STXBP4: variants seen among roughly 807,000 people sequenced by gnomAD.
STXBP4 encodes syntaxin binding protein 4, also known as syntaxin-binding protein 4.
In STXBP4, 55 loss-of-function variants were observed where a neutral mutation model predicts 76.1. That is an observed-to-expected ratio of 0.72 (90% CI 0.58 to 0.91). The LOEUF is 0.91. Ranked by LOEUF, STXBP4 falls within the 40% of genes least tolerant of loss-of-function variation. The pLI, the probability that STXBP4 is intolerant of heterozygous loss-of-function variation, is 0.00. For synonymous variants in STXBP4, 201 were observed against 220.2 expected (o/e 0.91, Z 0.77); for missense variants, 618 against 636.9 (o/e 0.97, Z 0.32).
chr17:55,174,746 A>C (rs2080422802), downstream of STXBP4, among the ~76,000 whole-genome samples: 1 of 152,208 alleles, frequency 6.6e-6, no homozygotes, highest in South Asian at 2.1e-4. Context: ...TTTCTAAGCC[A>C]GGGTTTTCAG....
At chr17:55,105,995 C>T (rs1344360315) in intron 16 of STXBP4, among the ~76,000 whole-genome samples, 1 of 152,090 alleles carries the variant, frequency 6.6e-6, no homozygotes, top group East Asian at 1.9e-4. Flanking sequence ...GAGCTGAGTT[C>T]AAGTCCTGAA....
At chr17:54,970,183 G>T (rs1261747393) in intron 1 of STXBP4, among the ~76,000 whole-genome samples, 1 of 152,190 alleles carries the variant, frequency 6.6e-6, no homozygotes, top group Non-Finnish European at 1.5e-5. Flanking sequence ...AGGTAACAAA[G>T]GCCTGGTAAT....
chr17:55,001,031 T>C (rs1377113550), intron 7 of STXBP4, 148 bp downstream of exon 7: 3 of 568,762 alleles, frequency 5.3e-6, no homozygotes, highest in Non-Finnish European at 9.2e-6. Context: ...TGTCTTTCCG[T>C]TGGGCCCTGT....
chr17:55,147,591 C>T (rs1438945937), intron 17 of STXBP4, among the ~76,000 whole-genome samples: 1 of 152,120 alleles, frequency 6.6e-6, no homozygotes, highest in East Asian at 1.9e-4. Context: ...GATTGATATG[C>T]CTTTATATCA....
At chr17:55,157,226 A>G (rs75315568) in intron 17 of STXBP4, among the ~76,000 whole-genome samples, 2,315 of 152,324 alleles carry the variant, frequency 0.015, 53 homozygotes, top group African/African-American at 0.043. Context: ...ATTAAAATAT[A>G]TACCAATATT....
At chr17:54,992,369 C>T (rs998281113) in intron 4 of STXBP4, among the ~76,000 whole-genome samples, 17 of 150,248 alleles carry the variant, frequency 1.1e-4, no homozygotes, top group African/African-American at 2.9e-4. Flanking sequence ...GAGGCATGAT[C>T]GTGCCACTGC....
At chr17:55,152,621 G>A (rs1714099305) in intron 17 of STXBP4, among the ~76,000 whole-genome samples, 1 of 152,120 alleles carries the variant, frequency 6.6e-6, no homozygotes. Flanking sequence ...GCAACCAGAG[G>A]AAATGCCAGA....
At chr17:55,011,634 G>A (rs189995078) in intron 8 of STXBP4, among the ~76,000 whole-genome samples, 16 of 148,772 alleles carry the variant, frequency 1.1e-4, no homozygotes, top group African/African-American at 3.2e-4. Flanking sequence ...TGTCCTTCCC[G>A]CTGTACTCTC....
At chr17:55,202,495 A>C in the STXBP4 span, among the ~76,000 whole-genome samples, 1 of 151,364 alleles carries the variant, frequency 6.6e-6, no homozygotes, top group Non-Finnish European at 1.5e-5. Flanking sequence ...AAACCTAACC[A>C]GTATGACACT....
At chr17:55,206,189 A>T in the STXBP4 span, among the ~76,000 whole-genome samples, 2 of 152,050 alleles carry the variant, frequency 1.3e-5, no homozygotes, top group African/African-American at 4.8e-5. Flanking sequence ...GAATTATTAC[A>T]TATATATATT....
At chr17:55,006,400 CA>C (rs1567714647) in intron 7 of STXBP4, among the ~76,000 whole-genome samples, 1 of 152,038 alleles carries the variant, frequency 6.6e-6, no homozygotes, top group Non-Finnish European at 1.5e-5. Context: ...TGACATTTTC[CA>C]AAGATTTTTC....
chr17:55,094,932 G>A (rs2079464713), intron 16 of STXBP4, among the ~76,000 whole-genome samples: 1 of 152,158 alleles, frequency 6.6e-6, no homozygotes, highest in South Asian at 2.1e-4. Flanking sequence ...CATATTGTGA[G>A]TTTTCACAGA....
the STXBP4 span, among the ~76,000 whole-genome samples, chr17:55,183,400 A>G: frequency 7.9e-5 from 12 of 152,220 alleles, no homozygotes; most frequent in Admixed American, 3.9e-4. Flanking sequence ...AGCCCGGGCA[A>G]GACAGCAAGA....
At chr17:55,092,323 TAAATG>T (rs1419462037) in intron 16 of STXBP4, among the ~76,000 whole-genome samples, 1 of 152,050 alleles carries the variant, frequency 6.6e-6, no homozygotes, top group East Asian at 1.9e-4. Flanking sequence ...AATAAATAAA[TAAATG>T]AAATGAAATA....
chr17:55,039,087 A>G (rs1317008574), intron 10 of STXBP4, among the ~76,000 whole-genome samples: 1 of 152,190 alleles, frequency 6.6e-6, no homozygotes, highest in Non-Finnish European at 1.5e-5. Flanking sequence ...CATGTTATTA[A>G]GATAGGTAAA....
At chr17:55,082,901 T>C (rs946712546) in intron 16 of STXBP4, among the ~76,000 whole-genome samples, 1 of 152,142 alleles carries the variant, frequency 6.6e-6, no homozygotes, top group African/African-American at 2.4e-5. Flanking sequence ...AATGAAGTTA[T>C]TATCCTTAAA....
At chr17:55,035,782 G>C (rs1393045101) in intron 10 of STXBP4, among the ~76,000 whole-genome samples, 2 of 151,778 alleles carry the variant, frequency 1.3e-5, no homozygotes, top group African/African-American at 2.4e-5. Flanking sequence ...ATATTTACCT[G>C]GGAATTTCTG....
intron 7 of STXBP4, 35 bp from the exon 8 acceptor site, chr17:55,007,471 A>C (rs893076811): frequency 6.7e-7 from 1 of 1,493,974 alleles, no homozygotes; most frequent in Non-Finnish European, 9.3e-7. Context: ...ATTCCAATTA[A>C]GTTCCCAATT....
intron 7 of STXBP4, 24 bp downstream of exon 7, chr17:55,000,907 T>G: frequency 5.5e-6 from 8 of 1,451,324 alleles, no homozygotes; most frequent in Non-Finnish European, 6.7e-6. Flanking sequence ...TAATTTCTAT[T>G]TCCTGTTTTT....
Sources: gnomAD v4.1 joint callset for allele counts (sites outside exome capture counted in the v4.1 genomes callset) on GRCh38, gnomAD v4.1.1 for gene constraint, MANE v1.5 for transcripts, NCBI Gene and HGNC (gene_info 2026-07-23, HGNC 2026-07-21) for gene names.